Variants in SCN1A observed in about 807,000 individuals in gnomAD.
The protein encoded by SCN1A is sodium channel protein type 1 subunit alpha.
SCN1A carries 13 observed loss-of-function variants against 193.7 expected under a neutral mutation model. The observed-to-expected ratio is 0.07, with a 90% confidence interval of 0.04 to 0.11. The LOEUF (loss-of-function observed/expected upper bound fraction) is 0.11. Ranked by LOEUF, SCN1A falls within the 10% of genes least tolerant of loss-of-function variation. The pLI, the probability that SCN1A is intolerant of heterozygous loss-of-function variation, is 1.00. For synonymous variants in SCN1A, 781 were observed against 843.6 expected (o/e 0.93, Z 1.29); for missense variants, 1,432 against 2,451.1 (o/e 0.58, Z 8.78).
chr2:166,113,834 A>G (rs571939364), intron 2 of SCN1A, among the ~76,000 whole-genome samples: 104 of 152,298 alleles, frequency 6.8e-4, no homozygotes, highest in Non-Finnish European at 1.4e-3. Context: ...CAATATATCA[A>G]TGTAGCAAAA....
intron 12 of SCN1A, 53 bp downstream of exon 12, chr2:166,046,717 A>G (rs1202959438): frequency 1.3e-6 from 2 of 1,564,544 alleles, no homozygotes; most frequent in Middle Eastern, 1.7e-4. Context: ...CTTCAATATT[A>G]CGTAACAATC....
chr2:166,110,145 A>G (rs538044990), intron 2 of SCN1A, among the ~76,000 whole-genome samples: 1 of 152,252 alleles, frequency 6.6e-6, no homozygotes, highest in African/African-American at 2.4e-5. Flanking sequence ...CCATAAAGGT[A>G]TACACCTACT....
chr2:166,048,831 A>C, intron 10 of SCN1A, 55 bp downstream of exon 10: 1 of 1,108,980 alleles, frequency 9.0e-7, no homozygotes, highest in Non-Finnish European at 1.4e-6. Flanking sequence ...GAAAAGATAC[A>C]CATATGTATG....
rs1450734017 is a variant in SCN1A at position 166,041,701 on chromosome 2, G to A, written c.2177-232C>T. Among the ~76,000 whole-genome samples, 4 of 152,130 alleles carry A rather than the reference G, an allele frequency of 2.6e-5. No individual in the cohort carries two copies. The East Asian group carries it at 7.7e-4, about 29-fold the overall frequency. On this transcript the variant is annotated intron_variant, in intron 15 of 28. Transcript: ENST00000674923. ...TGGGTAGTTTTTTGTCTTATGCACT[G>A]ACATTGTGGCTCAGCACTTGGCCTC...
intron 4 of SCN1A, among the ~76,000 whole-genome samples, chr2:166,066,750 A>G (rs997606103): frequency 6.6e-6 from 1 of 152,160 alleles, no homozygotes; most frequent in African/African-American, 2.4e-5. Flanking sequence ...TCCATTGTCA[A>G]AATGCTAGAT....
chr2:166,058,490 C>A, intron 5 of SCN1A, 80 bp downstream of exon 5: 1 of 813,088 alleles, frequency 1.2e-6, no homozygotes, highest in Non-Finnish European at 2.1e-6. Context: ...GGACATTTCC[C>A]AACTTAATTT....
intron 9 of SCN1A, among the ~76,000 whole-genome samples, chr2:166,050,771 A>G (rs1020995465): frequency 2.0e-5 from 3 of 150,084 alleles, no homozygotes; most frequent in African/African-American, 7.3e-5. Flanking sequence ...GAGCCACTGC[A>G]CCCAACTAAC....
At chr2:166,075,199 T>G (rs1684869688) in intron 3 of SCN1A, 1 of 151,992 alleles carries the variant, frequency 6.6e-6, no homozygotes, top group Non-Finnish European at 1.5e-5. Context: ...TTAAATAGCT[T>G]TTTGATAGAA....
Position 166,037,946 on chromosome 2 carries a change from C to T in SCN1A, c.2776G>A (p.Asp926Asn). 1 of 1,614,200 alleles carries T rather than the reference C, an allele frequency of 6.2e-7. No homozygotes were observed. Among genetic ancestry groups the T allele is most frequent in the Non-Finnish European group, 8.5e-7 (1 of 1,180,038 alleles). ...YKDCVCKIAS[D>N]CQLPRWHMND... ...ATGTGCCAGCGTGGGAGTTGACAAT[C>T]ACTGGCGATCTTGCAGACACAATCT... Residue 926 changes from aspartate to asparagine, a missense_variant, in exon 18 of 29, where the codon GAT becomes AAT. Coordinates refer to ENST00000674923, the MANE Select transcript of SCN1A (RefSeq NM_001165963.4).
At chr2:166,015,838 A>T in intron 19 of SCN1A, 111 bp from the exon 20 acceptor site, 1 of 1,204,954 alleles carries the variant, frequency 8.3e-7, no homozygotes, top group Non-Finnish European at 1.2e-6. Context: ...TGAGGTAGAG[A>T]TATTTTTAGA....
intron 22 of SCN1A, among the ~76,000 whole-genome samples, chr2:166,011,648 C>T (rs143266287): frequency 7.9e-5 from 12 of 151,176 alleles, no homozygotes; most frequent in Non-Finnish European, 1.3e-4. Flanking sequence ...GACTGTAGCA[C>T]CCAACAGCAT....
intron 2 of SCN1A, among the ~76,000 whole-genome samples, chr2:166,080,693 T>C (rs1009237371): frequency 2.0e-5 from 3 of 151,270 alleles, no homozygotes; most frequent in Non-Finnish European, 3.0e-5. Flanking sequence ...AAAAAAAAGA[T>C]TGTAAGAAAA....
At chr2:166,097,650 T>G (rs1687541622) in intron 2 of SCN1A, among the ~76,000 whole-genome samples, 1 of 152,218 alleles carries the variant, frequency 6.6e-6, no homozygotes, top group South Asian at 2.1e-4. Flanking sequence ...GGCATGATCA[T>G]AGCTCACTGC....
chr2:166,001,780 A>C (rs1312472141), intron 24 of SCN1A, among the ~76,000 whole-genome samples: 1 of 151,336 alleles, frequency 6.6e-6, no homozygotes. Flanking sequence ...TTAGGACAAA[A>C]TAGACTTAAA....
intron 23 of SCN1A, among the ~76,000 whole-genome samples, chr2:166,006,939 A>G (rs1214289123): frequency 6.6e-6 from 1 of 151,310 alleles, no homozygotes; most frequent in Non-Finnish European, 1.5e-5. Context: ...TCACCAATCC[A>G]GTAATCTCCC....
intron 28 of SCN1A, chr2:165,993,832 T>C (rs577953586): frequency 3.2e-4 from 133 of 416,008 alleles, no homozygotes; most frequent in African/African-American, 2.6e-3. Flanking sequence ...CAGAACCATC[T>C]AGATACTATA....
Position 166,044,327 on chromosome 2 carries a change from G to A in SCN1A, c.1663-278C>T, listed in dbSNP as rs115015575. On this transcript the variant is annotated intron_variant, in intron 13 of 28. Coordinates refer to ENST00000674923, the MANE Select transcript of SCN1A (RefSeq NM_001165963.4). ...ACACACATACACACACACCCTGAAC[G>A]ACCATTTCTCAAGTTCAAAGGGAAA... 0.029 allele frequency among the ~76,000 whole-genome samples: 4,397 copies of A among 151,920 alleles called. 89 individuals are homozygous for A. The highest frequency in any genetic ancestry group is 0.082 in the Middle Eastern group (24 of 294).
intron 13 of SCN1A, among the ~76,000 whole-genome samples, chr2:166,044,436 T>C (rs1440595439): frequency 6.6e-6 from 1 of 152,206 alleles, no homozygotes; most frequent in Non-Finnish European, 1.5e-5. Context: ...TTGGTTTTTA[T>C]GGATCTTGTC....
chr2:166,065,487 G>A (rs1683743673), intron 4 of SCN1A, among the ~76,000 whole-genome samples: 1 of 152,056 alleles, frequency 6.6e-6, no homozygotes, highest in Non-Finnish European at 1.5e-5. Flanking sequence ...CTTCTCATTT[G>A]TCATAGCCTG....
Sources: allele counts gnomAD v4.1 joint callset (sites outside exome capture counted in the v4.1 genomes callset), GRCh38; gene constraint gnomAD v4.1.1; transcripts MANE v1.5; gene names NCBI Gene and HGNC (gene_info 2026-07-23, HGNC 2026-07-21).